Variants in MCOLN2 observed in about 807,000 individuals in gnomAD.
MCOLN2 encodes the protein mucolipin TRP cation channel 2.
A neutral mutation model predicts 67.5 loss-of-function variants in MCOLN2; 57 were observed. That is an observed-to-expected ratio of 0.84 (90% confidence interval 0.68 to 1.05). The LOEUF (loss-of-function observed/expected upper bound fraction) is 1.05. Ranked by LOEUF, MCOLN2 falls within the 50% of genes least tolerant of loss-of-function variation. The pLI, the probability that MCOLN2 is intolerant of heterozygous loss-of-function variation, is 0.00. For missense variants in MCOLN2, 620 were observed against 678.8 expected (o/e 0.91, Z 0.96); for synonymous variants, 246 against 233.3 (o/e 1.05, Z -0.50).
intron 4 of MCOLN2, among the ~76,000 whole-genome samples, chr1:84,956,166 A>G (rs1648776146): frequency 6.8e-6 from 1 of 146,744 alleles, no homozygotes; most frequent in Non-Finnish European, 1.5e-5. Flanking sequence ...AAAAAAAACA[A>G]AAAACAGGAC....
At chr1:84,951,139 C>G (rs148192398) in intron 6 of MCOLN2, among the ~76,000 whole-genome samples, 278 of 152,290 alleles carry the variant, frequency 1.8e-3, no homozygotes, top group Middle Eastern at 6.8e-3. Flanking sequence ...ATATCACAAC[C>G]TGTAGTTACT....
chr1:84,987,059 A>G (rs892627650), intron 1 of MCOLN2, among the ~76,000 whole-genome samples: 2 of 152,072 alleles, frequency 1.3e-5, no homozygotes, highest in African/African-American at 4.8e-5. Context: ...CGTTATATGA[A>G]AAAGATACTT....
chr1:84,975,991 CA>C (rs1649976283), intron 1 of MCOLN2, among the ~76,000 whole-genome samples: 1 of 151,262 alleles, frequency 6.6e-6, no homozygotes, highest in South Asian at 2.1e-4. Context: ...TCAGAGAAGA[CA>C]AAAGAATAAA....
chr1:84,978,543 T>G (rs11588160), intron 1 of MCOLN2, among the ~76,000 whole-genome samples: 21,120 of 152,124 alleles, frequency 0.14, 1,699 homozygotes, highest in East Asian at 0.26. Flanking sequence ...CAACTGATAC[T>G]ACAGAAATTC....
intron 8 of MCOLN2, among the ~76,000 whole-genome samples, chr1:84,940,315 C>T (rs1261428111): frequency 2.6e-5 from 4 of 152,162 alleles, no homozygotes; most frequent in Non-Finnish European, 4.4e-5. Flanking sequence ...TTTCCCCTGA[C>T]CCCAGTGTGC....
chr1:84,984,635 G>A (rs1481890313), intron 1 of MCOLN2, among the ~76,000 whole-genome samples: 1 of 152,184 alleles, frequency 6.6e-6, no homozygotes, highest in Non-Finnish European at 1.5e-5. Flanking sequence ...CTAGTTGCCT[G>A]CGCAGTATCC....
chr1:84,992,575 G>C (rs1288006448), intron 1 of MCOLN2, among the ~76,000 whole-genome samples: 1 of 152,216 alleles, frequency 6.6e-6, no homozygotes, highest in Admixed American at 6.5e-5. Flanking sequence ...ATAAGATGAA[G>C]TCTGGAAATA....
chr1:84,931,544 C>T lies in MCOLN2; in HGVS notation c.1360G>A (p.Glu454Lys). Residue 454 changes from glutamate to lysine, a missense_variant, in exon 12 of 14, where the codon GAG becomes AAG. Physicochemically the swap from Glu to Lys is moderately conservative, Grantham distance 56. Transcript: ENST00000370608. ...CCGTTGACCAGAGAAAACAGACACT[C>T]AGCAACTGTGTTCAGATTTTCAAAC... The part of the protein sequence containing the change: ...DKFENLNTVA[E>K]CLFSLVNGDD... 6.2e-7 allele frequency: 1 copy of T among 1,614,000 alleles called. No homozygotes were observed.
intron 1 of MCOLN2, among the ~76,000 whole-genome samples, chr1:84,988,436 C>T (rs1224392777): frequency 6.6e-6 from 1 of 152,118 alleles, no homozygotes; most frequent in Non-Finnish European, 1.5e-5. Flanking sequence ...CTGAACTGGG[C>T]ATCAAGATTT....
At chr1:84,994,645 C>G (rs1651058916) in intron 1 of MCOLN2, among the ~76,000 whole-genome samples, 3 of 152,216 alleles carry the variant, frequency 2.0e-5, no homozygotes, top group African/African-American at 7.2e-5. Context: ...GAGTTTGGGC[C>G]TGCTCTAGAT....
At chr1:84,962,478 G>T (rs376357009) in intron 2 of MCOLN2, among the ~76,000 whole-genome samples, 18 of 152,320 alleles carry the variant, frequency 1.2e-4, no homozygotes, top group African/African-American at 3.6e-4. Context: ...AGGAGTTCAA[G>T]GTTGCAGTAA....
intron 13 of MCOLN2, among the ~76,000 whole-genome samples, chr1:84,927,611 A>G (rs1237593865): frequency 1.3e-5 from 2 of 152,224 alleles, no homozygotes; most frequent in Non-Finnish European, 2.9e-5. Flanking sequence ...TGCTTTGTTG[A>G]AGAGTGACCA....
chr1:84,961,378 TG>T (rs1439665718), intron 2 of MCOLN2, among the ~76,000 whole-genome samples: 1 of 151,920 alleles, frequency 6.6e-6, no homozygotes, highest in Non-Finnish European at 1.5e-5. Flanking sequence ...ACCATGAAAG[TG>T]GTATATAGTT....
rs1156721960 is a variant in MCOLN2 at position 84,987,503 on chromosome 1, G to GATATATATACATATATACAT, written c.77+9292_77+9293insATGTATATATGTATATATAT. 1.0e-3 allele frequency among the ~76,000 whole-genome samples: 20 copies of GATATATATACATATATACAT among 20,008 alleles called. 1 individual carries two copies. Among genetic ancestry groups the GATATATATACATATATACAT allele is most frequent in the East Asian group, 0.013 (2 of 152 alleles). The allele number at this position is 20,008 out of a possible 152,430, so 13.1% of individuals were successfully genotyped here. ...ATACATATATACATATGTATACATA[G>GATATATATACATATATACAT]ATGTATACATATGTATATATGTATA... is the stretch of plus-strand genomic sequence containing the variant. On this transcript the variant is annotated intron_variant, in intron 1 of 13. Coordinates refer to ENST00000370608, the MANE Select transcript of MCOLN2 (RefSeq NM_153259.4).
At chr1:84,987,536 G>GTATATA (rs1557665804) in intron 1 of MCOLN2, among the ~76,000 whole-genome samples, 3 of 21,658 alleles carry the variant, frequency 1.4e-4, no homozygotes, top group African/African-American at 4.0e-4. Flanking sequence ...ATACATCTAT[G>GTATATA]TATACATAGA....
At chr1:84,953,989 GA>G (rs372949486) in intron 4 of MCOLN2, among the ~76,000 whole-genome samples, 16 of 152,148 alleles carry the variant, frequency 1.1e-4, no homozygotes, top group African/African-American at 3.6e-4. Flanking sequence ...ATGAATCTTG[GA>G]AAACTCACTG....
chr1:84,946,984 T>A (rs533568408), intron 7 of MCOLN2, 49 bp downstream of exon 7: 23 of 884,618 alleles, frequency 2.6e-5, no homozygotes, highest in Middle Eastern at 2.7e-4. Context: ...CAAAATAAAG[T>A]GTTAAAAATC....
chr1:84,982,986 G>T (rs1367790123), intron 1 of MCOLN2, among the ~76,000 whole-genome samples: 1 of 151,928 alleles, frequency 6.6e-6, no homozygotes, highest in Non-Finnish European at 1.5e-5. Context: ...CCAAAGTGTT[G>T]GGATTACAGG....
At chr1:84,953,249 A>G (rs1184430669) in intron 4 of MCOLN2, among the ~76,000 whole-genome samples, 2 of 152,134 alleles carry the variant, frequency 1.3e-5, no homozygotes, top group South Asian at 2.1e-4. Context: ...GATCAAGCAA[A>G]TGTGATAAAA....
Sources: allele counts gnomAD v4.1 joint callset (sites outside exome capture counted in the v4.1 genomes callset), GRCh38; gene constraint gnomAD v4.1.1; transcripts MANE v1.5; gene names NCBI Gene and HGNC (gene_info 2026-07-23, HGNC 2026-07-21).